Variants in GLS observed in about 807,000 individuals in gnomAD.
GLS encodes glutaminase kidney isoform, mitochondrial.
In GLS, 36 loss-of-function variants were observed where a neutral mutation model predicts 86.7. The observed-to-expected ratio is 0.42, with a 90% CI of 0.32 to 0.55. The LOEUF (loss-of-function observed/expected upper bound fraction) is 0.55, where lower values mean the gene tolerates loss of function less well. Ranked by LOEUF, GLS falls within the 20% of genes least tolerant of loss-of-function variation. The pLI is 0.17. For synonymous variants in GLS, 317 were observed against 305.9 expected (o/e 1.04, Z -0.38); for missense variants, 528 against 833.4 (o/e 0.63, Z 4.51).
chr2:190,888,568 C>A lies in GLS; in HGVS notation c.387-6584C>A, dbSNP rs115751000. Among the ~76,000 whole-genome samples, 238 of 152,330 alleles carry A rather than the reference C, an allele frequency of 1.6e-3. 14 individuals are homozygous for A. Among genetic ancestry groups the A allele is most frequent in the Non-Finnish European group, 1.4e-3 (98 of 68,014 alleles). ...TTTTGGGGTTCTCTAGTCACTACTA[C>A]AACTTCTCAGTTCAGTGGTGGTAGC... is the stretch of plus-strand genomic sequence containing the variant. On this transcript the variant is annotated intron_variant, in intron 1 of 17. Coordinates refer to ENST00000320717, the MANE Select transcript of GLS (RefSeq NM_014905.5).
At chr2:190,917,683 G>A (rs1347424626) in intron 7 of GLS, among the ~76,000 whole-genome samples, 1 of 152,186 alleles carries the variant, frequency 6.6e-6, no homozygotes, top group Non-Finnish European at 1.5e-5. Flanking sequence ...CTGCAGAATG[G>A]ATGTTGTGTT....
At position 190,924,743 on chromosome 2, in the gene GLS, C is replaced by T; in HGVS notation, c.1248+150C>T. ...CATCCTGGCCAACATGGTGAAACCC[C>T]ATCTCTACTAAAAATACAAAAATTA... is the stretch of plus-strand genomic sequence containing the variant. On this transcript the variant is annotated intron_variant, in intron 11 of 17. Transcript: ENST00000320717. The surrounding 1 kb of genome is among the most constrained non-coding windows in gnomAD (Gnocchi z 5.2). 4 of 570,132 alleles carry T rather than the reference C, an allele frequency of 7.0e-6. No individual in the cohort carries two copies. Among genetic ancestry groups the T allele is most frequent in the Non-Finnish European group, 1.3e-5 (4 of 314,936 alleles). The allele number at this position is 570,132 out of a possible 1,614,324, so 35.3% of individuals were successfully genotyped here. A position where few individuals can be genotyped will look rare whatever the true frequency, so the allele number is the denominator to read the frequency against.
chr2:190,922,447 A>C (rs990707770), intron 9 of GLS, among the ~76,000 whole-genome samples: 2 of 152,082 alleles, frequency 1.3e-5, no homozygotes, highest in African/African-American at 2.4e-5. Flanking sequence ...GTATTCCATG[A>C]ATCTCAACTT....
Position 190,933,107 on chromosome 2 carries a change from GA to G in GLS, c.1650+1475del, listed in dbSNP as rs961970074. 9 of 936,686 alleles carry G rather than the reference GA, an allele frequency of 9.6e-6. No homozygotes were observed. The African/African-American group carries it at 1.4e-4, about 15-fold the overall frequency. 58.0% of individuals were successfully genotyped at this position (936,686 alleles called of 1,614,324 possible). On this transcript the variant is annotated intron_variant, in intron 14 of 17. Coordinates refer to ENST00000320717, the MANE Select transcript of GLS (RefSeq NM_014905.5). Reference sequence around the variant, plus strand: ...GCTTTATTTTTAAAAATACAAAAAGGAAAAATTTAAATTTTTTTTGATGTAA... The same window carrying G: ...GCTTTATTTTTAAAAATACAAAAAGGAAAATTTAAATTTTTTTTGATGTAA...
At chr2:190,901,188 T>A (rs763020516) in intron 4 of GLS, among the ~76,000 whole-genome samples, 1 of 152,068 alleles carries the variant, frequency 6.6e-6, no homozygotes, top group Non-Finnish European at 1.5e-5. Context: ...TGAGTATAAC[T>A]TTTGACTCCC....
Position 190,935,570 on chromosome 2 carries a change from A to G in GLS, c.1650+3933A>G, listed in dbSNP as rs1043008752. ...TATTTGAATAAAAACTTTTCTCTCAATTTTTTTGGTGGTTTTTCCATTTGG... is the reference window on the plus strand; with the variant it reads ...TATTTGAATAAAAACTTTTCTCTCAGTTTTTTTGGTGGTTTTTCCATTTGG... On this transcript the variant is annotated intron_variant, in intron 14 of 17. Coordinates refer to ENST00000320717, the MANE Select transcript of GLS (RefSeq NM_014905.5). The surrounding 1 kb of genome is among the most constrained non-coding windows in gnomAD (Gnocchi z 4.2). Among the ~76,000 whole-genome samples, 7 of 150,928 alleles carry G rather than the reference A, an allele frequency of 4.6e-5. No individual in the cohort carries two copies. The highest frequency in any genetic ancestry group is 8.9e-5 in the Non-Finnish European group (6 of 67,162).
At chr2:190,919,464 G>A (rs1182568218) in intron 7 of GLS, among the ~76,000 whole-genome samples, 1 of 152,056 alleles carries the variant, frequency 6.6e-6, no homozygotes, top group Non-Finnish European at 1.5e-5. Flanking sequence ...ACAGAATGAA[G>A]TTCAACATAA....
intron 7 of GLS, among the ~76,000 whole-genome samples, chr2:190,917,341 G>A (rs1245458178): frequency 6.6e-6 from 1 of 152,172 alleles, no homozygotes; most frequent in African/African-American, 2.4e-5. Flanking sequence ...TGAGATTGCA[G>A]CAATTCAGTC....
In GLS at chr2:190,881,373, C is replaced by T. The variant is rs1559310397; in HGVS notation, c.289C>T (p.Pro97Ser). 1 of 1,539,868 alleles carries T rather than the reference C, an allele frequency of 6.5e-7. No individual in the cohort carries two copies. Among genetic ancestry groups the T allele is most frequent in the Non-Finnish European group, 8.8e-7 (1 of 1,142,776 alleles). ...STHPQPGVSPPAAPAAPGPKD... is the reference protein window; with the variant it reads ...STHPQPGVSPSAAPAAPGPKD... Reference sequence around the variant, plus strand: ...GCATCCGCAGCCCGGGGTGTCGCCACCCGCTGCCCCGGCGGCGCCCGGCCC... The same window carrying T: ...GCATCCGCAGCCCGGGGTGTCGCCATCCGCTGCCCCGGCGGCGCCCGGCCC... The change falls in exon 1 of 18, where the codon CCC (proline) becomes TCC (serine). Residue 97 changes from proline (P) to serine (S), a missense_variant. By Grantham distance (74) the Pro-to-Ser change is moderately conservative (BLOSUM62 -1). Transcript: ENST00000320717.
At chr2:190,941,499 A>C (rs760793676) in intron 14 of GLS, among the ~76,000 whole-genome samples, 1 of 152,134 alleles carries the variant, frequency 6.6e-6, no homozygotes, top group Non-Finnish European at 1.5e-5. Flanking sequence ...CATTTCTTTA[A>C]AAAATATTTC....
At chr2:190,940,000 G>A (rs916948144) in intron 14 of GLS, among the ~76,000 whole-genome samples, 2 of 151,668 alleles carry the variant, frequency 1.3e-5, no homozygotes, top group Non-Finnish European at 3.0e-5. Context: ...CAGGAAATGG[G>A]TTTTCAGTTC....
At chr2:190,961,650 A>G (rs911518478) in intron 17 of GLS, among the ~76,000 whole-genome samples, 1 of 151,616 alleles carries the variant, frequency 6.6e-6, no homozygotes, top group African/African-American at 2.4e-5. Context: ...CTGACTTCCT[A>G]AACTAATGAA....
At chr2:190,925,394 A>G (rs1276777697) in intron 11 of GLS, among the ~76,000 whole-genome samples, 3 of 152,058 alleles carry the variant, frequency 2.0e-5, no homozygotes, top group Non-Finnish European at 4.4e-5. Context: ...GTAGCTCTCA[A>G]TATTGAGGGG....
chr2:190,903,167 C>T (rs1181730514), intron 5 of GLS, among the ~76,000 whole-genome samples: 1 of 151,974 alleles, frequency 6.6e-6, no homozygotes, highest in Non-Finnish European at 1.5e-5. Context: ...GCCCCCCAGC[C>T]AAAAATCTGT....
At chr2:190,940,680 C>A (rs886352094) in intron 14 of GLS, among the ~76,000 whole-genome samples, 8 of 151,308 alleles carry the variant, frequency 5.3e-5, no homozygotes, top group South Asian at 4.2e-4. Flanking sequence ...GTCCAGGATT[C>A]TTCTGGCTTC....
chr2:190,962,699 T>TTTTA lies in GLS; in HGVS notation c.1854-127_1854-124dup. 2.1e-6 allele frequency: 1 copy of TTTTA among 469,670 alleles called. No homozygotes were observed. Among genetic ancestry groups the TTTTA allele is most frequent in the Non-Finnish European group, 3.6e-6 (1 of 276,060 alleles). 29.1% of individuals were successfully genotyped at this position (469,670 alleles called of 1,614,324 possible). ...CCCTTTCTGCATTTCTATTATTAAT[T>TTTTA]TTTATTTGTAAAATTGCTAAAATAG... On this transcript the variant is annotated intron_variant, in intron 17 of 17. Transcript: ENST00000320717. This position sits in a 1 kb window ranked among gnomAD's most constrained non-coding sequence, Gnocchi z 4.2.
chr2:190,934,818 G>T, intron 14 of GLS: 1 of 970,346 alleles, frequency 1.0e-6, no homozygotes, highest in Non-Finnish European at 1.2e-6. Flanking sequence ...ACTGTGTTTA[G>T]AAAATGTTAA....
intron 1 of GLS, 139 bp downstream of exon 1, chr2:190,881,609 G>A (rs1312555920): frequency 1.2e-6 from 1 of 824,004 alleles, no homozygotes; most frequent in Non-Finnish European, 1.8e-6. Flanking sequence ...GGCCTGCGCC[G>A]TCTGCGCCAT....
rs1690783584 is a variant in GLS at position 190,953,827 on chromosome 2, A to G, written c.1712+201A>G. 6.6e-6 allele frequency among the ~76,000 whole-genome samples: 1 copy of G among 152,132 alleles called. No individual in the cohort carries two copies. Among genetic ancestry groups the G allele is most frequent in the Non-Finnish European group, 1.5e-5 (1 of 68,030 alleles). On this transcript the variant is annotated intron_variant, in intron 15 of 17. Transcript: ENST00000320717. This position sits in a 1 kb window ranked among gnomAD's most constrained non-coding sequence, Gnocchi z 4.0. ...TCCTTTTCTGCCTCCTATAAAAAAGACCATATCTCTGTTTCCCCAAGTAGT... is the reference window on the plus strand; with the variant it reads ...TCCTTTTCTGCCTCCTATAAAAAAGGCCATATCTCTGTTTCCCCAAGTAGT...
Sources: gnomAD v4.1 joint callset for allele counts (sites outside exome capture counted in the v4.1 genomes callset) on GRCh38, gnomAD v4.1.1 for gene constraint, Gnocchi (gnomAD v3.1) non-coding constraint, MANE v1.5 for transcripts, NCBI Gene and HGNC (gene_info 2026-07-23, HGNC 2026-07-21) for gene names.